Variants in ZNF407 observed in about 807,000 individuals in gnomAD.
ZNF407 encodes zinc finger protein 407.
ZNF407 carries 17 observed loss-of-function variants against 131.2 expected under a neutral mutation model. The observed-to-expected ratio is 0.13, with a 90% confidence interval of 0.09 to 0.19. The LOEUF (loss-of-function observed/expected upper bound fraction) is 0.19. Among genes scored for constraint, ZNF407 ranks in the 10% least tolerant of loss-of-function variants. The pLI, the probability that ZNF407 is intolerant of heterozygous loss-of-function variation, is 1.00. For synonymous variants in ZNF407, 1,156 were observed against 1,062.0 expected, an observed-to-expected ratio of 1.09 and a Z score of -1.72; for missense variants, 2,681 against 2,830.6, an observed-to-expected ratio of 0.95 and a Z score of 1.20.
chr18:74,611,331 C>G (rs1246189121), intron 1 of ZNF407, among the ~76,000 whole-genome samples: 3 of 152,092 alleles, frequency 2.0e-5, no homozygotes, highest in African/African-American at 7.2e-5. Context: ...GAGAAACCAT[C>G]AAGAAAGTGA....
intron 8 of ZNF407, among the ~76,000 whole-genome samples, chr18:74,943,130 A>T (rs1379749491): frequency 6.6e-6 from 1 of 151,848 alleles, no homozygotes. Flanking sequence ...ATTAGCCAGG[A>T]TGGTCTCGAT....
chr18:74,858,989 T>C (rs1163104240), intron 4 of ZNF407, among the ~76,000 whole-genome samples: 1 of 152,124 alleles, frequency 6.6e-6, no homozygotes, highest in Non-Finnish European at 1.5e-5. Flanking sequence ...TACAGCGAGT[T>C]ATTTGTTATG....
intron 3 of ZNF407, among the ~76,000 whole-genome samples, chr18:74,730,661 G>T (rs567554425): frequency 1.9e-4 from 29 of 152,214 alleles, no homozygotes; most frequent in African/African-American, 7.0e-4. Context: ...CCATCACCCT[G>T]TACAATTCTT....
chr18:75,028,412 G>A (rs750377176), intron 8 of ZNF407, among the ~76,000 whole-genome samples: 1 of 152,020 alleles, frequency 6.6e-6, no homozygotes, highest in Non-Finnish European at 1.5e-5. Flanking sequence ...GGTCACATTC[G>A]ATTAGGGCCC....
chr18:74,614,993 A>T (rs527861846), intron 1 of ZNF407, among the ~76,000 whole-genome samples: 18 of 152,184 alleles, frequency 1.2e-4, no homozygotes, highest in Non-Finnish European at 2.2e-4. Flanking sequence ...CTAAGCAGAT[A>T]TGAGTGGAAG....
rs546109003 is a variant in ZNF407 at position 74,771,090 on chromosome 18, C to T, written c.4803-10338C>T. On this transcript the variant is annotated intron_variant, in intron 3 of 8. Transcript: ENST00000299687. Reference sequence around the variant, plus strand: ...AAACAAGTTGCTTGATATAAAATTACAAGGGTACATTTCACATGTGAAAAT... The same window carrying T: ...AAACAAGTTGCTTGATATAAAATTATAAGGGTACATTTCACATGTGAAAAT... 3.3e-5 allele frequency among the ~76,000 whole-genome samples: 5 copies of T among 151,952 alleles called. No homozygotes were observed. The East Asian group carries it at 7.7e-4, about 23-fold the overall frequency.
Position 74,634,655 on chromosome 18 carries a change from A to G in ZNF407, c.3636A>G (p.Thr1212=). ...GAAGCTCTGCCTTAAATTGTGAGAC[A>G]GCAAAGAAAAACCATGAGATATCGA... is the stretch of plus-strand genomic sequence containing the variant. ...NSGSSALNCE[T]AKKNHEISND... Residue 1212 remains threonine, a synonymous_variant, in exon 2 of 9, where the codon ACA becomes ACG. Transcript: ENST00000299687. The G allele has an allele frequency of 6.2e-7, 1 of 1,614,046 alleles. No individual in the cohort carries two copies.
intron 1 of ZNF407, among the ~76,000 whole-genome samples, chr18:74,622,145 G>A (rs1244279069): frequency 1.3e-5 from 2 of 152,140 alleles, no homozygotes; most frequent in Admixed American, 6.5e-5. Context: ...CTGCCGGGAG[G>A]AGACTGGTGA....
At chr18:74,670,928 C>A (rs541543) in intron 3 of ZNF407, among the ~76,000 whole-genome samples, 3,536 of 152,302 alleles carry the variant, frequency 0.023, 147 homozygotes, top group African/African-American at 0.08. Flanking sequence ...TGCTTCCCAG[C>A]TTGCTGGGAT....
chr18:74,829,177 T>G (rs1306352436), intron 4 of ZNF407, among the ~76,000 whole-genome samples: 1 of 152,226 alleles, frequency 6.6e-6, no homozygotes, highest in African/African-American at 2.4e-5. Flanking sequence ...CATAAAATAT[T>G]AAAAGGAAAT....
chr18:74,630,263 C>T (rs533609508), intron 1 of ZNF407, among the ~76,000 whole-genome samples: 10 of 151,606 alleles, frequency 6.6e-5, no homozygotes, highest in Non-Finnish European at 1.0e-4. Context: ...CTCCGCCTCC[C>T]GGGTTCACGC....
intron 8 of ZNF407, among the ~76,000 whole-genome samples, chr18:75,054,164 T>C (rs1218832481): frequency 6.6e-6 from 1 of 152,252 alleles, no homozygotes; most frequent in African/African-American, 2.4e-5. Flanking sequence ...TCCGCATTGT[T>C]TCAAGTGTAC....
At chr18:74,666,126 T>A (rs1217276971) in intron 3 of ZNF407, among the ~76,000 whole-genome samples, 3 of 152,142 alleles carry the variant, frequency 2.0e-5, no homozygotes, top group Admixed American at 1.3e-4. Context: ...CTGACTGCTG[T>A]GTGCACGCCC....
chr18:74,634,205 C>T lies in ZNF407; in HGVS notation c.3186C>T (p.Thr1062=), dbSNP rs1337608454. The change falls in exon 2 of 9, where the codon ACC becomes ACT. Residue 1062 remains threonine, a synonymous_variant. Coordinates refer to ENST00000299687, the MANE Select transcript of ZNF407 (RefSeq NM_017757.3). ...DYYAVTRREM[T]RHAATEKHKM... is the part of the protein sequence containing the mutation. ...ACGCGGTGACTCGTCGCGAGATGAC[C>T]AGGCATGCAGCAACAGAGAAGCACA... The T allele has an allele frequency of 3.1e-6, 5 of 1,613,910 alleles. No homozygotes were observed. The highest frequency in any genetic ancestry group is 3.4e-6 in the Non-Finnish European group (4 of 1,179,900).
chr18:75,065,103 AT>A lies in ZNF407; in HGVS notation c.*638del, dbSNP rs1033826107. The A allele has an allele frequency of 6.6e-6, 1 of 152,484 alleles. No homozygotes were observed. The highest frequency in any genetic ancestry group is 1.5e-5 in the Non-Finnish European group (1 of 68,032). 9.4% of individuals were successfully genotyped at this position (152,484 alleles called of 1,614,324 possible). A position where few individuals can be genotyped will look rare whatever the true frequency, so the allele number is the denominator to read the frequency against. Reference sequence around the variant, plus strand: ...TCCCATCTTCAAACAGTTTAGGTGTATTTGTTGCTCTGGTCACATTCTGCAT... The same window carrying A: ...TCCCATCTTCAAACAGTTTAGGTGTATTGTTGCTCTGGTCACATTCTGCAT... On this transcript the variant is annotated 3_prime_UTR_variant, in exon 9 of 9. Transcript: ENST00000299687.
At chr18:74,723,560 T>A (rs191058219) in intron 3 of ZNF407, among the ~76,000 whole-genome samples, 1 of 152,316 alleles carries the variant, frequency 6.6e-6, no homozygotes, top group East Asian at 1.9e-4. Context: ...CTCTCTTCCT[T>A]GTTCCTACAT....
Position 75,028,177 on chromosome 18 carries a change from G to C in ZNF407, c.5429-34973G>C, listed in dbSNP as rs1444400424. 2.0e-5 allele frequency among the ~76,000 whole-genome samples: 3 copies of C among 152,218 alleles called. No individual in the cohort carries two copies. In the South Asian group the frequency reaches 6.2e-4, roughly 32 times the overall value. On this transcript the variant is annotated intron_variant, in intron 8 of 8. Coordinates refer to ENST00000299687, the MANE Select transcript of ZNF407 (RefSeq NM_017757.3). ...ATTCTTAGGGCAGGGCCCTGTGTCA[G>C]TTTGCGAGGGCTGCCGTAACAAAGC...
chr18:74,870,941 G>T (rs747277246), intron 4 of ZNF407, among the ~76,000 whole-genome samples: 122 of 152,208 alleles, frequency 8.0e-4, no homozygotes, highest in Admixed American at 1.8e-3. Context: ...TGTGTTGTAT[G>T]AAAGTGTGCT....
intron 6 of ZNF407, among the ~76,000 whole-genome samples, chr18:74,881,637 G>A (rs1971240040): frequency 6.6e-6 from 1 of 152,056 alleles, no homozygotes; most frequent in Admixed American, 6.6e-5. Flanking sequence ...GATTAGATAG[G>A]ATTTGAAGTC....
Sources: gnomAD v4.1 joint callset for allele counts (sites outside exome capture counted in the v4.1 genomes callset) on GRCh38, gnomAD v4.1.1 for gene constraint, MANE v1.5 for transcripts, NCBI Gene and HGNC (gene_info 2026-07-23, HGNC 2026-07-21) for gene names.